Variants in SEMA3A observed in about 807,000 individuals in gnomAD.
The protein encoded by SEMA3A is semaphorin-3A.
A neutral mutation model predicts 97.9 loss-of-function variants in SEMA3A; 29 were observed. The observed-to-expected ratio is 0.30, with a 90% CI of 0.22 to 0.40. The LOEUF (loss-of-function observed/expected upper bound fraction) is 0.40, where lower values mean the gene tolerates loss of function less well. Ranked by LOEUF, SEMA3A falls within the 10% of genes least tolerant of loss-of-function variation. The pLI, the probability that SEMA3A is intolerant of heterozygous loss-of-function variation, is 1.00. For missense variants in SEMA3A, 763 were observed against 951.3 expected, an observed-to-expected ratio of 0.80 and a Z score of 2.60; for synonymous variants, 321 against 323.7, an observed-to-expected ratio of 0.99 and a Z score of 0.09.
chr7:84,225,744 T>C (rs1050006220), intron 3 of SEMA3A, among the ~76,000 whole-genome samples: 3 of 152,048 alleles, frequency 2.0e-5, no homozygotes, highest in Non-Finnish European at 2.9e-5. Context: ...TGGAGAAGCA[T>C]GCAAGAAAGG....
intron 3 of SEMA3A, among the ~76,000 whole-genome samples, chr7:84,209,950 T>G: frequency 6.6e-6 from 1 of 152,198 alleles, no homozygotes; most frequent in East Asian, 1.9e-4. Context: ...CCATTCTTAT[T>G]ATTTTGGGAA....
intron 1 of SEMA3A, among the ~76,000 whole-genome samples, chr7:84,187,504 T>C (rs1340006624): frequency 1.3e-5 from 2 of 152,104 alleles, no homozygotes; most frequent in Non-Finnish European, 2.9e-5. Context: ...CTAACAAATA[T>C]GACCTGGATA....
chr7:84,045,870 A>G (rs1211451707), intron 6 of SEMA3A, among the ~76,000 whole-genome samples: 2 of 151,960 alleles, frequency 1.3e-5, no homozygotes, highest in African/African-American at 4.8e-5. Context: ...GAAATTTTGA[A>G]AAGACTATTA....
intron 3 of SEMA3A, among the ~76,000 whole-genome samples, chr7:84,270,202 G>A (rs1464284686): frequency 2.6e-5 from 4 of 152,002 alleles, no homozygotes; most frequent in Non-Finnish European, 4.4e-5. Flanking sequence ...CAGCCTGGGT[G>A]GGCCTAATTT....
intron 6 of SEMA3A, among the ~76,000 whole-genome samples, chr7:84,014,937 CT>C: frequency 2.0e-5 from 3 of 152,164 alleles, no homozygotes; most frequent in Admixed American, 2.0e-4. Context: ...TCAGCATATC[CT>C]TATTTATCAT....
At chr7:84,320,655 T>TTATG (rs1562902172) in intron 2 of SEMA3A, among the ~76,000 whole-genome samples, 1 of 151,016 alleles carries the variant, frequency 6.6e-6, no homozygotes, top group East Asian at 2.0e-4. Context: ...GAGAAATAAA[T>TTATG]TATTTTTTTT....
chr7:83,962,067 T>C (rs1340322545), intron 16 of SEMA3A, among the ~76,000 whole-genome samples: 1 of 152,088 alleles, frequency 6.6e-6, no homozygotes, highest in Non-Finnish European at 1.5e-5. Context: ...GAATTTCTTA[T>C]AATAATTTAA....
At chr7:84,047,932 A>C (rs1185454829) in intron 5 of SEMA3A, among the ~76,000 whole-genome samples, 1 of 152,004 alleles carries the variant, frequency 6.6e-6, no homozygotes, top group Non-Finnish European at 1.5e-5. Context: ...ATGTCTGAAT[A>C]GACTTGACTA....
At chr7:84,123,721 TA>T (rs1443186742) in intron 3 of SEMA3A, among the ~76,000 whole-genome samples, 2 of 147,460 alleles carry the variant, frequency 1.4e-5, no homozygotes, top group South Asian at 2.1e-4. Flanking sequence ...ATATATCAGA[TA>T]AAATATATAT....
chr7:84,285,463 A>G (rs1206839549), intron 3 of SEMA3A, among the ~76,000 whole-genome samples: 1 of 152,028 alleles, frequency 6.6e-6, no homozygotes, highest in African/African-American at 2.4e-5. Context: ...ATAAATCTCT[A>G]TTTAATAGAA....
upstream of SEMA3A, among the ~76,000 whole-genome samples, chr7:84,196,353 T>C (rs866537617): frequency 6.7e-6 from 1 of 149,146 alleles, no homozygotes; most frequent in African/African-American, 2.5e-5. Flanking sequence ...TCGCTCTGCT[T>C]TCTCTCTCTC....
At chr7:84,050,214 C>T (rs1309565300) in intron 5 of SEMA3A, among the ~76,000 whole-genome samples, 7 of 152,186 alleles carry the variant, frequency 4.6e-5, no homozygotes, top group African/African-American at 1.7e-4. Context: ...ATTTATTGTC[C>T]TTTGGGTATA....
chr7:84,372,897 C>T (rs373925719), intron 1 of SEMA3A, among the ~76,000 whole-genome samples: 3 of 152,226 alleles, frequency 2.0e-5, no homozygotes, highest in African/African-American at 7.2e-5. Flanking sequence ...AGGGGAACAG[C>T]ATATTTCCCC....
chr7:84,070,518 T>C (rs1385313288), intron 4 of SEMA3A, among the ~76,000 whole-genome samples: 2 of 152,064 alleles, frequency 1.3e-5, no homozygotes, highest in Non-Finnish European at 2.9e-5. Flanking sequence ...ATGATGTTTG[T>C]AAAAGAAAAA....
intron 3 of SEMA3A, among the ~76,000 whole-genome samples, chr7:84,118,080 T>C (rs1255793264): frequency 6.6e-6 from 1 of 152,202 alleles, no homozygotes; most frequent in African/African-American, 2.4e-5. Context: ...GTTCATTCTT[T>C]ATAAGGATGT....
intron 1 of SEMA3A, among the ~76,000 whole-genome samples, chr7:84,439,849 A>T (rs962889916): frequency 6.6e-6 from 1 of 152,222 alleles, no homozygotes; most frequent in Admixed American, 6.5e-5. Context: ...TTAAACCAAG[A>T]ATATATGTAT....
chr7:84,413,843 A>G lies in SEMA3A; in HGVS notation c.-245-41943T>C, dbSNP rs149407747. Among the ~76,000 whole-genome samples the G allele has an allele frequency of 2.4e-3, 364 of 152,270 alleles. 1 individual carries two copies. The highest frequency in any genetic ancestry group is 4.7e-3 in the Non-Finnish European group (318 of 68,008). On this transcript the variant is annotated intron_variant, in intron 1 of 3. Coordinates refer to the SEMA3A transcript ENST00000424555. ...AAAATATAACGTAGTGAAAATAACT[A>G]AGATTTACAAATCATTTTTACATGC...
intron 2 of SEMA3A, among the ~76,000 whole-genome samples, chr7:84,327,536 T>C (rs1429145449): frequency 1.3e-5 from 2 of 151,966 alleles, no homozygotes; most frequent in Non-Finnish European, 2.9e-5. Flanking sequence ...GCATGTGTAA[T>C]TTCTAACAGA....
intron 10 of SEMA3A, among the ~76,000 whole-genome samples, chr7:84,006,907 CAGTT>C (rs1790690464): frequency 6.6e-6 from 1 of 151,762 alleles, no homozygotes. Context: ...AACAATATAA[CAGTT>C]AAGGAATGTA....
Sources: allele counts gnomAD v4.1 joint callset (sites outside exome capture counted in the v4.1 genomes callset), GRCh38; gene constraint gnomAD v4.1.1; transcripts MANE v1.5; gene names NCBI Gene and HGNC (gene_info 2026-07-23, HGNC 2026-07-21).